Variants in AXIN1 observed in about 807,000 individuals in gnomAD.
AXIN1 encodes axin-1.
Under a neutral mutation model 76.4 loss-of-function variants are expected in AXIN1, and 30 were observed. That is an observed-to-expected ratio of 0.39 (90% confidence interval 0.29 to 0.53). The LOEUF (loss-of-function observed/expected upper bound fraction) is 0.53, where lower values mean the gene tolerates loss of function less well. AXIN1 is among the 20% of genes least tolerant of loss of function. The pLI, the probability that AXIN1 is intolerant of heterozygous loss-of-function variation, is 0.66. For synonymous variants in AXIN1, 545 were observed against 501.4 expected, an observed-to-expected ratio of 1.09 and a Z score of -1.16; for missense variants, 1,140 against 1,198.8, an observed-to-expected ratio of 0.95 and a Z score of 0.72.
At chr16:288,494 A>C (rs1262188386) in intron 10 of AXIN1, among the ~76,000 whole-genome samples, 1 of 152,198 alleles carries the variant, frequency 6.6e-6, no homozygotes, top group African/African-American at 2.4e-5. Flanking sequence ...TCCCCCTGGG[A>C]GTACCTGCCC....
Position 293,038 on chromosome 16 carries a change from A to G in AXIN1, c.2186+450T>C, listed in dbSNP as rs1326578209. On this transcript the variant is annotated intron_variant, in intron 8 of 10. Transcript: ENST00000262320. This position sits in a 1 kb window ranked among gnomAD's most constrained non-coding sequence, Gnocchi z 4.6. ...CTTCTACATCTGCACGGCTTTCAGA[A>G]CCACGTAGCTTTCCGACCGTGCAGA... The G allele has an allele frequency of 5.2e-6, 1 of 193,518 alleles. No individual in the cohort carries two copies. The highest frequency in any genetic ancestry group is 1.1e-5 in the Non-Finnish European group (1 of 92,750). 12.0% of individuals were successfully genotyped at this position (193,518 alleles called of 1,614,324 possible).
intron 1 of AXIN1, 34 bp downstream of exon 1, chr16:352,335 G>A: frequency 7.2e-6 from 7 of 977,914 alleles, no homozygotes; most frequent in Non-Finnish European, 8.5e-6. Flanking sequence ...GGCCTACCGC[G>A]GCCTAGCCCG....
chr16:344,178 A>T (rs2053986568), intron 2 of AXIN1, among the ~76,000 whole-genome samples: 1 of 152,034 alleles, frequency 6.6e-6, no homozygotes, highest in South Asian at 2.1e-4. Context: ...CACGTCTGTA[A>T]TCCCCGCACT....
intron 2 of AXIN1, among the ~76,000 whole-genome samples, chr16:321,470 A>G (rs2053455733): frequency 6.6e-6 from 1 of 152,248 alleles, no homozygotes; most frequent in African/African-American, 2.4e-5. Flanking sequence ...ACACCACGTA[A>G]AATAATTATA....
chr16:303,418 G>C (rs906153765), intron 5 of AXIN1, among the ~76,000 whole-genome samples: 4 of 150,994 alleles, frequency 2.6e-5, no homozygotes, highest in African/African-American at 9.7e-5. Flanking sequence ...TTTCACTCTT[G>C]TCATCCAGGC....
At chr16:347,905 T>C (rs2054065199) in intron 1 of AXIN1, among the ~76,000 whole-genome samples, 1 of 152,166 alleles carries the variant, frequency 6.6e-6, no homozygotes, top group Non-Finnish European at 1.5e-5. Flanking sequence ...AGGATTCAGA[T>C]AGCAAATAGT....
In AXIN1 at chr16:332,410, T is replaced by C. The variant is rs1323497817; in HGVS notation, c.878+13738A>G. Among the ~76,000 whole-genome samples, 3 of 151,790 alleles carry C rather than the reference T, an allele frequency of 2.0e-5. No individual in the cohort carries two copies. The East Asian group carries it at 5.8e-4, about 29-fold the overall frequency. On this transcript the variant is annotated intron_variant, in intron 2 of 10. Coordinates refer to ENST00000262320, the MANE Select transcript of AXIN1 (RefSeq NM_003502.4). ...GGCTAACACAGTGAAACCCCATCTC[T>C]ACTAAAAATACAAAAAATTAGCTGG...
In AXIN1 at chr16:289,538, G is replaced by A. The variant is rs2052492389; in HGVS notation, c.2364C>T (p.Tyr788=). 4 of 1,613,020 alleles carry A rather than the reference G, an allele frequency of 2.5e-6. No individual in the cohort carries two copies. Among genetic ancestry groups the A allele is most frequent in the African/African-American group, 2.7e-5 (2 of 75,054 alleles). Reference sequence around the variant, plus strand: ...GGTAGGGGATGGGTTCCCCGCAGAAGTAGTACGCCACAACGATGCTGTCAC... The same window carrying A: ...GGTAGGGGATGGGTTCCCCGCAGAAATAGTACGCCACAACGATGCTGTCAC... ...QPCDSIVVAY[Y]FCGEPIPYRT... Residue 788 remains tyrosine (Y), a synonymous_variant, in exon 10 of 11, where the codon TAC becomes TAT. Transcript: ENST00000262320.
chr16:304,165 G>C, intron 5 of AXIN1, 139 bp downstream of exon 5: 4 of 1,418,834 alleles, frequency 2.8e-6, no homozygotes, highest in Non-Finnish European at 3.9e-6. Flanking sequence ...AGGGGAACAG[G>C]GGACTCAGCC....
rs536123840 is a variant in AXIN1 at position 290,940 on chromosome 16, G to A, written c.2294+250C>T. 2.0e-3 allele frequency: 1,143 copies of A among 568,540 alleles called. 7 individuals carry two copies. The highest frequency in any genetic ancestry group is 4.7e-3 in the African/African-American group (254 of 53,502). 35.2% of individuals were successfully genotyped at this position (568,540 alleles called of 1,614,324 possible). On this transcript the variant is annotated intron_variant, in intron 9 of 10. Coordinates refer to ENST00000262320, the MANE Select transcript of AXIN1 (RefSeq NM_003502.4). ...CTGTGTGGATGCAGGGGCTGGCTGT[G>A]CCCAGGCCTCCAGCCGGGCCTTTTG...
rs534892369 is a variant in AXIN1, at chr16:289,115, G to C, written c.2462+325C>G. On this transcript the variant is annotated intron_variant, in intron 10 of 10. Transcript: ENST00000262320. Reference sequence around the variant, plus strand: ...TTTTTTGGGCGGGGGTAGAGACAGAGTCTCGCTCTGTCACCCAGGCTGGAG... The same window carrying C: ...TTTTTTGGGCGGGGGTAGAGACAGACTCTCGCTCTGTCACCCAGGCTGGAG... Among the ~76,000 whole-genome samples, 7 of 151,488 alleles carry C rather than the reference G, an allele frequency of 4.6e-5. No individual in the cohort carries two copies. The East Asian group carries it at 1.4e-3, about 29-fold the overall frequency.
At chr16:288,931 C>T (rs182103684) in intron 10 of AXIN1, among the ~76,000 whole-genome samples, 8 of 152,306 alleles carry the variant, frequency 5.3e-5, no homozygotes, top group East Asian at 1.9e-4. Context: ...TTTCCCACCC[C>T]GAAGATGAGG....
intron 2 of AXIN1, among the ~76,000 whole-genome samples, chr16:341,710 T>A (rs928627751): frequency 2.6e-5 from 4 of 152,244 alleles, no homozygotes; most frequent in African/African-American, 9.6e-5. Flanking sequence ...GGGCTCCTGA[T>A]TCTGGTGGGG....
chr16:330,607 A>G (rs746144233), intron 2 of AXIN1, among the ~76,000 whole-genome samples: 3 of 152,250 alleles, frequency 2.0e-5, no homozygotes, highest in Non-Finnish European at 4.4e-5. Flanking sequence ...CTTCAATGTC[A>G]CAAAAGTCTC....
intron 2 of AXIN1, among the ~76,000 whole-genome samples, chr16:325,077 G>GGCCC (rs1567291564): frequency 6.6e-6 from 1 of 151,836 alleles, no homozygotes; most frequent in African/African-American, 2.4e-5. Context: ...CCCCGCGGGC[G>GGCCC]CGCCCCAGGA....
intron 2 of AXIN1, among the ~76,000 whole-genome samples, chr16:323,634 A>T (rs1331900236): frequency 2.0e-5 from 3 of 151,062 alleles, no homozygotes; most frequent in African/African-American, 7.3e-5. Flanking sequence ...ACAAAAAATT[A>T]GCCAAGCGTG....
chr16:297,060 G>T lies in AXIN1; in HGVS notation c.1951C>A (p.His651Asn), dbSNP rs375667981. 2 of 1,610,894 alleles carry T rather than the reference G, an allele frequency of 1.2e-6. No homozygotes were observed. Among genetic ancestry groups the T allele is most frequent in the Non-Finnish European group, 1.7e-6 (2 of 1,179,924 alleles). Residue 651 changes from histidine (H) to asparagine (N), a missense_variant, in exon 7 of 11, where the codon CAC (histidine) becomes AAC (asparagine). This residue lies in a region of AXIN1 where 429 missense variants were observed against 405.8 expected (regional missense o/e 1.06). Coordinates refer to ENST00000262320, the MANE Select transcript of AXIN1 (RefSeq NM_003502.4). ...GGCTGCGTGCGGGGTGCTCACCCGT[G>T]GCCGGTCCTGCGGTGCCTGCTGATC... Reference protein sequence around the residue: ...KEISRHRRTGHGSSGTRKPQP... With the variant: ...KEISRHRRTGNGSSGTRKPQP...
At chr16:332,555 G>T (rs757508604) in intron 2 of AXIN1, among the ~76,000 whole-genome samples, 1 of 143,160 alleles carries the variant, frequency 7.0e-6, no homozygotes, top group Non-Finnish European at 1.5e-5. Context: ...CAGGCTGGGC[G>T]AAAGAGCGAG....
chr16:320,992 C>T (rs1268802971), intron 2 of AXIN1, among the ~76,000 whole-genome samples: 16 of 152,058 alleles, frequency 1.1e-4, no homozygotes, highest in Non-Finnish European at 1.5e-5. Context: ...CCCGCCTCGG[C>T]CTCCCAAAGT....
Sources: allele counts gnomAD v4.1 joint callset (sites outside exome capture counted in the v4.1 genomes callset), GRCh38; gene constraint gnomAD v4.1.1; regional missense constraint gnomAD v4.1.1; non-coding constraint Gnocchi (gnomAD v3.1); transcripts MANE v1.5; gene names NCBI Gene and HGNC (gene_info 2026-07-23, HGNC 2026-07-21).